The following DNM2 variants were observed in gnomAD, a reference collection of about 807,000 sequenced individuals.
The protein encoded by DNM2 is dynamin-2.
Under a neutral mutation model 99.0 loss-of-function variants are expected in DNM2, and 15 were observed. That is an observed-to-expected ratio of 0.15 (90% CI 0.10 to 0.23). The LOEUF (loss-of-function observed/expected upper bound fraction) is 0.23, where lower values mean the gene tolerates loss of function less well. Among genes scored for constraint, DNM2 ranks in the 10% least tolerant of loss-of-function variants. DNM2 has a pLI of 1.00. For missense variants in DNM2, 742 were observed against 1,189.4 expected (o/e 0.62, Z 5.53); for synonymous variants, 525 against 481.2 (o/e 1.09, Z -1.19).
Position 10,765,224 on chromosome 19 carries a change from C to T in DNM2, c.235+5413C>T, listed in dbSNP as rs529956608. On this transcript the variant is annotated intron_variant, in intron 2 of 20. Coordinates refer to ENST00000389253, the MANE Select transcript of DNM2 (RefSeq NM_001005361.3). The surrounding 1 kb of genome is among the most constrained non-coding windows in gnomAD (Gnocchi z 4.4). Reference sequence around the variant, plus strand: ...CCGCCCACCTCGGCCTCCCAAAGTGCTGGGATTACAGGCGTGAGCCACCAC... The same window carrying T: ...CCGCCCACCTCGGCCTCCCAAAGTGTTGGGATTACAGGCGTGAGCCACCAC... Among the ~76,000 whole-genome samples, 32 of 152,368 alleles carry T rather than the reference C, an allele frequency of 2.1e-4. No individual in the cohort carries two copies. Among genetic ancestry groups the T allele is most frequent in the Admixed American group, 5.9e-4 (9 of 15,306 alleles).
intron 19 of DNM2, among the ~76,000 whole-genome samples, chr19:10,829,527 C>T (rs973809778): frequency 2.6e-5 from 4 of 152,194 alleles, no homozygotes; most frequent in Non-Finnish European, 5.9e-5. Flanking sequence ...TCCATTGGCA[C>T]AGCCCAAATG....
intron 5 of DNM2, among the ~76,000 whole-genome samples, chr19:10,778,748 G>T (rs912833326): frequency 2.0e-5 from 3 of 151,720 alleles, no homozygotes; most frequent in African/African-American, 7.3e-5. Flanking sequence ...CATCCCATTT[G>T]TTTTTTTCTA....
intron 1 of DNM2, among the ~76,000 whole-genome samples, chr19:10,738,537 C>G (rs1169632707): frequency 1.3e-5 from 2 of 151,638 alleles, no homozygotes; most frequent in African/African-American, 2.4e-5. Context: ...AGGCCAGGCC[C>G]TTCCTGGGGA....
intron 1 of DNM2, among the ~76,000 whole-genome samples, chr19:10,723,442 AT>A (rs1240141596): frequency 6.6e-6 from 1 of 151,706 alleles, no homozygotes; most frequent in Non-Finnish European, 1.5e-5. Flanking sequence ...TAATTTTTCT[AT>A]TTTTAATAGA....
rs140658975 is a variant in DNM2, at chr19:10,774,487, T to C, written c.386-1216T>C. On this transcript the variant is annotated intron_variant, in intron 3 of 20. Coordinates refer to ENST00000389253, the MANE Select transcript of DNM2 (RefSeq NM_001005361.3). ...TATTGCCCAGGCTGGAGTGCAATGG[T>C]GCAATCTTGGCTTACCGCAACCTCC... Among the ~76,000 whole-genome samples, 488 of 152,194 alleles carry C rather than the reference T, an allele frequency of 3.2e-3. 1 individual carries two copies. The highest frequency in any genetic ancestry group is 0.011 in the African/African-American group (473 of 41,536).
chr19:10,756,803 C>T (rs1568281755), intron 1 of DNM2, among the ~76,000 whole-genome samples: 1 of 152,024 alleles, frequency 6.6e-6, no homozygotes, highest in Non-Finnish European at 1.5e-5. Flanking sequence ...CATCCACCTC[C>T]CAAACTGCCC....
intron 1 of DNM2, among the ~76,000 whole-genome samples, chr19:10,735,298 A>G (rs910371793): frequency 6.6e-6 from 1 of 152,050 alleles, no homozygotes. Flanking sequence ...TCTGCCTCCC[A>G]GAGTGCTGGG....
At position 10,796,252 on chromosome 19, in the gene DNM2, G is replaced by A; in HGVS notation, c.1196+813G>A. The A allele has an allele frequency of 6.2e-7, 1 of 1,612,590 alleles. No individual in the cohort carries two copies. The highest frequency in any genetic ancestry group is 1.1e-5 in the South Asian group (1 of 90,924). On this transcript the variant is annotated intron_variant, in intron 9 of 20. Transcript: ENST00000389253. The surrounding 1 kb of genome is among the most constrained non-coding windows in gnomAD (Gnocchi z 5.6). Reference sequence around the variant, plus strand: ...TGACCTTGTGGAAACGGGGGTACGGGGGTTTGGTATCAGGCTCCCAGCGCC... The same window carrying A: ...TGACCTTGTGGAAACGGGGGTACGGAGGTTTGGTATCAGGCTCCCAGCGCC...
chr19:10,775,595 A>T lies in DNM2; in HGVS notation c.386-108A>T. Reference sequence around the variant, plus strand: ...GGCAGAGTGTCAGGCGACATCCTCAAGTCTGAGCCCCGCGCAGGAACTTTG... The same window carrying T: ...GGCAGAGTGTCAGGCGACATCCTCATGTCTGAGCCCCGCGCAGGAACTTTG... On this transcript the variant is annotated intron_variant, in intron 3 of 20. Coordinates refer to ENST00000389253, the MANE Select transcript of DNM2 (RefSeq NM_001005361.3). This position sits in a 1 kb window ranked among gnomAD's most constrained non-coding sequence, Gnocchi z 4.3. 8.0e-7 allele frequency: 1 copy of T among 1,247,378 alleles called. No individual in the cohort carries two copies. The highest frequency in any genetic ancestry group is 1.7e-5 in the Admixed American group (1 of 59,526). The allele number at this position is 1,247,378 out of a possible 1,614,324, so 77.3% of individuals were successfully genotyped here.
rs149727016 is a variant in DNM2 at position 10,796,846 on chromosome 19, G to A, written c.1197-534G>A. ...CCGGGCTCCCCCAACCCGCGCCAAC[G>A]CCGCGGGCCTGGTTCCCAGGGCAGC... On this transcript the variant is annotated intron_variant, in intron 9 of 20. Transcript: ENST00000389253. The surrounding 1 kb of genome is among the most constrained non-coding windows in gnomAD (Gnocchi z 5.6). Among the ~76,000 whole-genome samples, 7 of 152,088 alleles carry A rather than the reference G, an allele frequency of 4.6e-5. No individual in the cohort carries two copies. Among genetic ancestry groups the A allele is most frequent in the East Asian group, 2.0e-4 (1 of 5,128 alleles).
chr19:10,756,210 C>T (rs1013529013), intron 1 of DNM2, among the ~76,000 whole-genome samples: 5 of 152,098 alleles, frequency 3.3e-5, no homozygotes, highest in South Asian at 2.1e-4. Flanking sequence ...CTGTTTCCCT[C>T]GTTCAGTTCA....
In DNM2 at chr19:10,795,580, C is replaced by A. The variant is rs2071903015; in HGVS notation, c.1196+141C>A. 2 of 956,872 alleles carry A rather than the reference C, an allele frequency of 2.1e-6. No homozygotes were observed. The highest frequency in any genetic ancestry group is 3.3e-6 in the Non-Finnish European group (2 of 611,638). The allele number at this position is 956,872 out of a possible 1,614,324, so 59.3% of individuals were successfully genotyped here. On this transcript the variant is annotated intron_variant, in intron 9 of 20. Coordinates refer to ENST00000389253, the MANE Select transcript of DNM2 (RefSeq NM_001005361.3). The surrounding 1 kb of genome is among the most constrained non-coding windows in gnomAD (Gnocchi z 4.2). ...GGATGGTTTTCTGTAGCTGCGAGCCCCTCCCTGAGGGTCTCCAAGGGCACA... is the reference window on the plus strand; with the variant it reads ...GGATGGTTTTCTGTAGCTGCGAGCCACTCCCTGAGGGTCTCCAAGGGCACA...
intron 5 of DNM2, among the ~76,000 whole-genome samples, 173 bp from the exon 6 acceptor site, chr19:10,782,787 G>T (rs933467091): frequency 6.6e-6 from 1 of 152,198 alleles, no homozygotes; most frequent in Non-Finnish European, 1.5e-5. Context: ...GTTGCTCTTC[G>T]CAGCTGCCAT....
intron 13 of DNM2, among the ~76,000 whole-genome samples, chr19:10,807,043 C>G (rs935293853): frequency 2.0e-5 from 3 of 152,050 alleles, no homozygotes; most frequent in African/African-American, 7.3e-5. Flanking sequence ...ATATGAACGG[C>G]TGTATCAATG....
rs2073102070 is a variant in DNM2 at position 10,825,211 on chromosome 19, T to C, written c.2048T>C (p.Met683Thr). 1 of 1,613,914 alleles carries C rather than the reference T, an allele frequency of 6.2e-7. No homozygotes were observed. The highest frequency in any genetic ancestry group is 1.3e-5 in the African/African-American group (1 of 74,912). ...DLMPKTIMHL[M>T]INNTKAFIHH... is the part of the protein sequence containing the mutation. Reference sequence around the variant, plus strand: ...ATGCCAAAGACCATCATGCACCTCATGATCAACAATGTGAGTGGAGAACTA... The same window carrying C: ...ATGCCAAAGACCATCATGCACCTCACGATCAACAATGTGAGTGGAGAACTA... The change falls in exon 18 of 21, where the codon ATG becomes ACG. Residue 683 changes from methionine to threonine, a missense_variant. Physicochemically the swap from Met to Thr is moderately conservative, Grantham distance 81 (BLOSUM62 -1). Coordinates refer to ENST00000389253, the MANE Select transcript of DNM2 (RefSeq NM_001005361.3).
chr19:10,830,871 C>A lies in DNM2; in HGVS notation c.2544-107C>A. ...CTTGCGGAGGTCAGCCTGGGAACACCCTGGGGTGGTGTGTGGGTGGGGGCT... is the reference window on the plus strand; with the variant it reads ...CTTGCGGAGGTCAGCCTGGGAACACACTGGGGTGGTGTGTGGGTGGGGGCT... On this transcript the variant is annotated intron_variant, in intron 20 of 20. Coordinates refer to ENST00000389253, the MANE Select transcript of DNM2 (RefSeq NM_001005361.3). This position sits in a 1 kb window ranked among gnomAD's most constrained non-coding sequence, Gnocchi z 4.8. The A allele has an allele frequency of 7.3e-7, 1 of 1,378,762 alleles. No homozygotes were observed. The highest frequency in any genetic ancestry group is 9.8e-7 in the Non-Finnish European group (1 of 1,017,958). 85.4% of individuals were successfully genotyped at this position (1,378,762 alleles called of 1,614,324 possible).
intron 1 of DNM2, among the ~76,000 whole-genome samples, chr19:10,723,030 G>A (rs541914891): frequency 5.3e-4 from 79 of 150,238 alleles, no homozygotes; most frequent in Non-Finnish European, 9.6e-4. Flanking sequence ...GCAGTGGTGC[G>A]ATCTCGGCTC....
intron 1 of DNM2, among the ~76,000 whole-genome samples, chr19:10,739,711 C>A (rs141222117): frequency 6.6e-6 from 1 of 151,794 alleles, no homozygotes; most frequent in East Asian, 1.9e-4. Flanking sequence ...CAAAAATTAG[C>A]TGGGTGTAGT....
At chr19:10,729,605 C>T (rs1221397926) in intron 1 of DNM2, among the ~76,000 whole-genome samples, 2 of 152,130 alleles carry the variant, frequency 1.3e-5, no homozygotes, top group Non-Finnish European at 2.9e-5. Flanking sequence ...CCAGTAGGCA[C>T]GTGAGAGTTA....
Sources: gnomAD v4.1 joint callset for allele counts (sites outside exome capture counted in the v4.1 genomes callset) on GRCh38, gnomAD v4.1.1 for gene constraint, Gnocchi (gnomAD v3.1) non-coding constraint, MANE v1.5 for transcripts, NCBI Gene and HGNC (gene_info 2026-07-23, HGNC 2026-07-21) for gene names.